Variants in SNX9 observed in about 807,000 individuals in gnomAD.
SNX9 encodes sorting nexin 9, also known as sorting nexin-9.
A neutral mutation model predicts 89.4 loss-of-function variants in SNX9; 44 were observed. That is an observed-to-expected ratio of 0.49 (90% CI 0.39 to 0.63). The LOEUF (loss-of-function observed/expected upper bound fraction) is 0.63. Among genes scored for constraint, SNX9 ranks in the 30% least tolerant of loss-of-function variants. The pLI, the probability that SNX9 is intolerant of heterozygous loss-of-function variation, is 0.00. For missense variants in SNX9, 578 were observed against 736.1 expected (o/e 0.79, Z 2.49); for synonymous variants, 236 against 247.8 (o/e 0.95, Z 0.45).
chr6:157,852,884 G>C (rs1158160003), intron 1 of SNX9, among the ~76,000 whole-genome samples: 1 of 152,002 alleles, frequency 6.6e-6, no homozygotes, highest in Non-Finnish European at 1.5e-5. Flanking sequence ...TTGTATTTTT[G>C]TCATACATTT....
intron 5 of SNX9, 133 bp from the exon 6 acceptor site, chr6:157,901,765 A>G (rs1783101265): frequency 2.0e-6 from 2 of 979,270 alleles, no homozygotes; most frequent in Non-Finnish European, 3.0e-6. Context: ...ATACTCCTAT[A>G]CTATACCCTT....
At chr6:157,870,022 T>TGCTCACACACATAGGCAGC (rs1782361112) in intron 2 of SNX9, among the ~76,000 whole-genome samples, 2 of 151,588 alleles carry the variant, frequency 1.3e-5, no homozygotes, top group Non-Finnish European at 2.9e-5. Flanking sequence ...CACAGTCGCA[T>TGCTCACACACATAGGCAGC]GCTCACACAC....
intron 1 of SNX9, among the ~76,000 whole-genome samples, chr6:157,841,277 G>C (rs1278588268): frequency 6.6e-6 from 1 of 152,170 alleles, no homozygotes; most frequent in African/African-American, 2.4e-5. Flanking sequence ...TTCCACATCT[G>C]TGTGTTTTAA....
intron 4 of SNX9, among the ~76,000 whole-genome samples, chr6:157,881,504 C>T (rs1476215682): frequency 6.6e-6 from 1 of 152,106 alleles, no homozygotes; most frequent in Non-Finnish European, 1.5e-5. Context: ...AATTATTAAG[C>T]TTAGTGAGGA....
chr6:157,823,394 G>T lies in SNX9; in HGVS notation c.-41G>T. 3 of 1,274,002 alleles carry T rather than the reference G, an allele frequency of 2.4e-6. No individual in the cohort carries two copies. Among genetic ancestry groups the T allele is most frequent in the Non-Finnish European group, 2.0e-6 (2 of 1,002,590 alleles). The allele number at this position is 1,274,002 out of a possible 1,614,324, so 78.9% of individuals were successfully genotyped here. On this transcript the variant is annotated 5_prime_UTR_variant, in exon 1 of 18. Transcript: ENST00000392185. The surrounding 1 kb of genome is among the most constrained non-coding windows in gnomAD (Gnocchi z 4.6). ...GCTCAGAATCACCATCCGCGGCGCG[G>T]GAGACGAGCCGGCCGTCCCGGGCCG...
At chr6:157,840,066 C>T (rs1235028781) in intron 1 of SNX9, among the ~76,000 whole-genome samples, 1 of 151,210 alleles carries the variant, frequency 6.6e-6, no homozygotes, top group Admixed American at 6.6e-5. Flanking sequence ...GTGGGGGTGT[C>T]TTTGGATCTC....
intron 12 of SNX9, 115 bp from the exon 13 acceptor site, chr6:157,932,080 A>G (rs1188055455): frequency 4.9e-6 from 4 of 811,998 alleles, no homozygotes; most frequent in Admixed American, 2.3e-5. Context: ...TTGTGAAGGA[A>G]TATATAGACT....
At chr6:157,942,682 G>A in intron 17 of SNX9, 109 bp from the exon 18 acceptor site, 1 of 1,196,952 alleles carries the variant, frequency 8.4e-7, no homozygotes, top group African/African-American at 1.5e-5. Context: ...ACCAGTTAAA[G>A]AATTGGAATT....
At chr6:157,932,142 T>A in intron 12 of SNX9, 53 bp from the exon 13 acceptor site, 1 of 1,484,240 alleles carries the variant, frequency 6.7e-7, no homozygotes, top group Non-Finnish European at 9.4e-7. Flanking sequence ...AATAGTTTAA[T>A]CCCATTTCAG....
At chr6:157,895,690 G>A (rs1782963668) in intron 4 of SNX9, among the ~76,000 whole-genome samples, 1 of 151,708 alleles carries the variant, frequency 6.6e-6, no homozygotes, top group South Asian at 2.1e-4. Flanking sequence ...AAAACAAAAA[G>A]GATCTATCTC....
At chr6:157,916,533 C>T (rs1401511053) in intron 9 of SNX9, among the ~76,000 whole-genome samples, 1 of 152,216 alleles carries the variant, frequency 6.6e-6, no homozygotes, top group Non-Finnish European at 1.5e-5. Flanking sequence ...TTCAGTCTTT[C>T]ACCATTAACT....
chr6:157,876,625 C>A (rs996324506), intron 4 of SNX9, among the ~76,000 whole-genome samples: 7 of 152,174 alleles, frequency 4.6e-5, no homozygotes, highest in African/African-American at 1.7e-4. Flanking sequence ...TTGAAGAATT[C>A]TCTTCTGTAT....
At chr6:157,862,215 AT>A (rs1383452742) in intron 1 of SNX9, among the ~76,000 whole-genome samples, 1 of 152,240 alleles carries the variant, frequency 6.6e-6, no homozygotes, top group Admixed American at 6.5e-5. Flanking sequence ...CACCATTTAG[AT>A]TAAGGACAAA....
intron 2 of SNX9, 24 bp downstream of exon 2, chr6:157,867,657 C>G: frequency 6.5e-7 from 1 of 1,544,194 alleles, no homozygotes; most frequent in Non-Finnish European, 8.9e-7. Context: ...ACATTCGAGT[C>G]TGATTGTCCC....
intron 5 of SNX9, among the ~76,000 whole-genome samples, chr6:157,897,449 CTT>C (rs981890657): frequency 1.1e-4 from 17 of 152,172 alleles, no homozygotes; most frequent in African/African-American, 3.9e-4. Context: ...CCCAGAATCT[CTT>C]TTCCTGTAGC....
At chr6:157,912,493 G>C (rs1783369281) in intron 9 of SNX9, among the ~76,000 whole-genome samples, 1 of 152,216 alleles carries the variant, frequency 6.6e-6, no homozygotes, top group Non-Finnish European at 1.5e-5. Context: ...CAGCCCCTCG[G>C]TGTGAAGAAA....
At position 157,942,920 on chromosome 6, in the gene SNX9, AT is replaced by A; in HGVS notation, c.*84del. 1 of 1,428,014 alleles carries A rather than the reference AT, an allele frequency of 7.0e-7. No homozygotes were observed. The highest frequency in any genetic ancestry group is 9.5e-7 in the Non-Finnish European group (1 of 1,052,684). The allele number at this position is 1,428,014 out of a possible 1,614,324, so 88.5% of individuals were successfully genotyped here. On this transcript the variant is annotated 3_prime_UTR_variant, in exon 18 of 18. Coordinates refer to ENST00000392185, the MANE Select transcript of SNX9 (RefSeq NM_016224.5). The stretch of plus-strand genomic sequence containing the variant: ...AATTCAAAACTTTTTTTCCCCTATT[AT>A]TCAGAAAAAAAAGGAAACAAAACCA...
chr6:157,917,983 T>G (rs1483747345), intron 9 of SNX9, among the ~76,000 whole-genome samples: 1 of 152,160 alleles, frequency 6.6e-6, no homozygotes, highest in Non-Finnish European at 1.5e-5. Flanking sequence ...GAACATACTT[T>G]GCATGATTTT....
chr6:157,833,741 C>T (rs746265514), intron 1 of SNX9, among the ~76,000 whole-genome samples: 2 of 152,194 alleles, frequency 1.3e-5, no homozygotes, highest in Non-Finnish European at 2.9e-5. Context: ...CTCCCGCCTT[C>T]CTAAACCATG....
Sources: allele counts gnomAD v4.1 joint callset (sites outside exome capture counted in the v4.1 genomes callset), GRCh38; gene constraint gnomAD v4.1.1; non-coding constraint Gnocchi (gnomAD v3.1); transcripts MANE v1.5; gene names NCBI Gene and HGNC (gene_info 2026-07-23, HGNC 2026-07-21).